The following MEGF11 variants were observed in gnomAD, a reference collection of about 807,000 sequenced individuals.
The protein encoded by MEGF11 is multiple epidermal growth factor-like domains protein 11.
MEGF11 carries 126 observed loss-of-function variants against 146.6 expected under a neutral mutation model. That is an observed-to-expected ratio of 0.86 (90% confidence interval 0.74 to 1.00). The LOEUF is 1.00. MEGF11 is among the 50% of genes least tolerant of loss of function. MEGF11 has a pLI of 0.00. For synonymous variants in MEGF11, 532 were observed against 583.4 expected (o/e 0.91, Z 1.27); for missense variants, 1,509 against 1,521.2 (o/e 0.99, Z 0.13).
chr15:65,939,587 C>T (rs1013457171), intron 10 of MEGF11, among the ~76,000 whole-genome samples: 3 of 151,794 alleles, frequency 2.0e-5, no homozygotes, highest in Non-Finnish European at 2.9e-5. Context: ...CTCCACCTCC[C>T]GGGTTCAAGC....
At chr15:65,904,029 T>C (rs2078559455) in intron 24 of MEGF11, among the ~76,000 whole-genome samples, 2 of 152,176 alleles carry the variant, frequency 1.3e-5, no homozygotes, top group African/African-American at 4.8e-5. Context: ...TTCTACACAA[T>C]AGTAATGAAA....
chr15:66,173,131 G>A (rs1325341067), intron 1 of MEGF11, among the ~76,000 whole-genome samples: 1 of 152,152 alleles, frequency 6.6e-6, no homozygotes, highest in South Asian at 2.1e-4. Context: ...GTAGCCTGGA[G>A]CACCCTTTCT....
intron 4 of MEGF11, among the ~76,000 whole-genome samples, chr15:66,095,922 C>T (rs1050232412): frequency 1.3e-5 from 2 of 152,220 alleles, no homozygotes; most frequent in Non-Finnish European, 2.9e-5. Flanking sequence ...GCCTTGACCC[C>T]GGGGAACAGC....
intron 10 of MEGF11, among the ~76,000 whole-genome samples, chr15:65,952,056 T>C (rs1380466878): frequency 6.6e-6 from 1 of 152,216 alleles, no homozygotes; most frequent in Non-Finnish European, 1.5e-5. Context: ...ATAAATTTTA[T>C]AGCATATTAT....
At chr15:66,020,063 C>T (rs997080729) in intron 5 of MEGF11, among the ~76,000 whole-genome samples, 2 of 152,220 alleles carry the variant, frequency 1.3e-5, no homozygotes, top group Non-Finnish European at 2.9e-5. Flanking sequence ...AAAGCCACCG[C>T]CCCTCCCCAG....
chr15:66,097,008 C>A (rs552947380), intron 4 of MEGF11, among the ~76,000 whole-genome samples: 32 of 152,316 alleles, frequency 2.1e-4, no homozygotes, highest in African/African-American at 7.2e-4. Flanking sequence ...AAGGCAGCAG[C>A]TTCGGGGTCA....
chr15:66,207,572 A>G (rs950366966), intron 1 of MEGF11, among the ~76,000 whole-genome samples: 1 of 152,272 alleles, frequency 6.6e-6, no homozygotes, highest in African/African-American at 2.4e-5. Context: ...AGGCTGAAAT[A>G]AAAGAACACT....
At chr15:66,217,590 C>A (rs1168756549) in intron 1 of MEGF11, among the ~76,000 whole-genome samples, 1 of 152,230 alleles carries the variant, frequency 6.6e-6, no homozygotes, top group East Asian at 1.9e-4. Flanking sequence ...GGCAGAAGTA[C>A]CTGGCCAGGG....
At chr15:65,920,025 T>C (rs1462480071) in intron 15 of MEGF11, among the ~76,000 whole-genome samples, 1 of 152,270 alleles carries the variant, frequency 6.6e-6, no homozygotes, top group Non-Finnish European at 1.5e-5. Flanking sequence ...AATACTATTA[T>C]ATAGTCTCAC....
At chr15:65,953,991 G>T (rs2080491217) in intron 10 of MEGF11, among the ~76,000 whole-genome samples, 1 of 152,156 alleles carries the variant, frequency 6.6e-6, no homozygotes, top group African/African-American at 2.4e-5. Context: ...GCTGGGGTGG[G>T]AGGGGACAGC....
At chr15:66,193,724 T>G (rs2090938100) in intron 1 of MEGF11, among the ~76,000 whole-genome samples, 1 of 152,034 alleles carries the variant, frequency 6.6e-6, no homozygotes, top group Non-Finnish European at 1.5e-5. Flanking sequence ...ACAGTATATG[T>G]CCCACATATA....
chr15:66,230,505 G>A (rs955994511), intron 1 of MEGF11, among the ~76,000 whole-genome samples: 8 of 152,202 alleles, frequency 5.3e-5, no homozygotes, highest in Non-Finnish European at 7.3e-5. Context: ...TAATAATGAT[G>A]ACAGATGCCT....
rs780067553 is a variant in MEGF11, at chr15:65,965,037, G to T, written c.983C>A (p.Pro328His). ...CTCACACTCGCAGGCACCCGTGGTGGGTGAACACTGCCCCCCATTGTGGCA... is the reference window on the plus strand; with the variant it reads ...CTCACACTCGCAGGCACCCGTGGTGTGTGAACACTGCCCCCCATTGTGGCA... ...CDCHNGGQCS[P>H]TTGACECEPG... The change falls in exon 9 of 26, where the codon CCC becomes CAC. Residue 328 changes from proline (P) to histidine (H), a missense_variant. By Grantham distance (77) the Pro-to-His change is moderately conservative. Coordinates refer to ENST00000395614, the MANE Select transcript of MEGF11 (RefSeq NM_001385028.1). 1.9e-6 allele frequency: 3 copies of T among 1,586,912 alleles called. No individual in the cohort carries two copies. Among genetic ancestry groups the T allele is most frequent in the East Asian group, 2.3e-5 (1 of 43,432 alleles).
At chr15:66,227,628 C>A (rs185563848) in intron 1 of MEGF11, among the ~76,000 whole-genome samples, 61 of 152,316 alleles carry the variant, frequency 4.0e-4, no homozygotes, top group Admixed American at 7.8e-4. Flanking sequence ...CTTCACCCAG[C>A]TTCTCAGCAT....
chr15:66,079,437 G>A (rs1433064905), intron 5 of MEGF11, among the ~76,000 whole-genome samples: 1 of 152,094 alleles, frequency 6.6e-6, no homozygotes, highest in Non-Finnish European at 1.5e-5. Context: ...AGCAGTGGCG[G>A]GCTGGGCAGA....
intron 20 of MEGF11, among the ~76,000 whole-genome samples, chr15:65,913,168 T>C (rs1463177119): frequency 1.3e-5 from 2 of 152,198 alleles, no homozygotes; most frequent in Non-Finnish European, 2.9e-5. Flanking sequence ...CTATTGGAGC[T>C]GTTAACCACA....
intron 1 of MEGF11, among the ~76,000 whole-genome samples, chr15:66,150,208 A>T (rs1363080262): frequency 6.6e-6 from 1 of 152,224 alleles, no homozygotes; most frequent in Non-Finnish European, 1.5e-5. Context: ...CACCCAGGGG[A>T]GAACGGCAGT....
intron 5 of MEGF11, among the ~76,000 whole-genome samples, chr15:66,076,856 A>G (rs2085611163): frequency 6.6e-6 from 1 of 152,160 alleles, no homozygotes. Flanking sequence ...TATGTTCTTC[A>G]GTAGCCTCCA....
At chr15:66,244,998 C>T (rs1200507420) in intron 1 of MEGF11, among the ~76,000 whole-genome samples, 1 of 152,008 alleles carries the variant, frequency 6.6e-6, no homozygotes, top group Non-Finnish European at 1.5e-5. Context: ...ATATTAAGTG[C>T]CAAATTTGTG....
Sources: allele counts gnomAD v4.1 joint callset (sites outside exome capture counted in the v4.1 genomes callset), GRCh38; gene constraint gnomAD v4.1.1; transcripts MANE v1.5; gene names NCBI Gene and HGNC (gene_info 2026-07-23, HGNC 2026-07-21).